The following UNC5C variants were observed in gnomAD, a reference collection of about 807,000 sequenced individuals.
UNC5C encodes unc-5 netrin receptor C, also known as netrin receptor UNC5C.
UNC5C carries 47 observed loss-of-function variants against 99.8 expected under a neutral mutation model. The observed-to-expected ratio is 0.47, with a 90% CI of 0.37 to 0.60. UNC5C has a LOEUF of 0.60. Ranked by LOEUF, UNC5C falls within the 20% of genes least tolerant of loss-of-function variation. UNC5C has a pLI of 0.00. For missense variants in UNC5C, 1,062 were observed against 1,165.9 expected (o/e 0.91, Z 1.30); for synonymous variants, 487 against 452.2 (o/e 1.08, Z -0.98).
chr4:95,429,262 A>G (rs1746566082), intron 1 of UNC5C, among the ~76,000 whole-genome samples: 1 of 146,588 alleles, frequency 6.8e-6, no homozygotes, highest in South Asian at 2.2e-4. Flanking sequence ...TTCCCTTTAA[A>G]TAATACTTAG....
rs539706591 is a variant in UNC5C at position 95,398,456 on chromosome 4, T to A, written c.125-62825A>T. On this transcript the variant is annotated intron_variant, in intron 1 of 15. Transcript: ENST00000453304. The stretch of plus-strand genomic sequence containing the variant: ...ACTCATTCATTCATTCATTCATTCA[T>A]TCAACAATTGTGTATTTGCTAAGCA... Among the ~76,000 whole-genome samples, 118 of 152,032 alleles carry A rather than the reference T, an allele frequency of 7.8e-4. 2 individuals carry two copies. The highest frequency in any genetic ancestry group is 7.5e-3 in the Admixed American group (114 of 15,268).
chr4:95,184,031 A>AAATT (rs1408758650), intron 13 of UNC5C, among the ~76,000 whole-genome samples: 1 of 152,200 alleles, frequency 6.6e-6, no homozygotes, highest in Non-Finnish European at 1.5e-5. Context: ...TGTATAAAAG[A>AAATT]AATTACTCCT....
At chr4:95,522,472 A>G (rs1722385901) in intron 1 of UNC5C, among the ~76,000 whole-genome samples, 1 of 152,114 alleles carries the variant, frequency 6.6e-6, no homozygotes, top group African/African-American at 2.4e-5. Flanking sequence ...GGAGGAAGAG[A>G]GGGAGAGAAA....
intron 13 of UNC5C, among the ~76,000 whole-genome samples, chr4:95,184,528 A>G (rs1416140057): frequency 2.0e-5 from 3 of 152,194 alleles, no homozygotes; most frequent in African/African-American, 7.2e-5. Flanking sequence ...ATTTTCCCCC[A>G]GGTATATACA....
At chr4:95,371,067 A>T (rs924255923) in intron 1 of UNC5C, among the ~76,000 whole-genome samples, 3 of 152,208 alleles carry the variant, frequency 2.0e-5, no homozygotes, top group Non-Finnish European at 4.4e-5. Context: ...AATGCCAATT[A>T]CTTAGAAATT....
chr4:95,496,188 A>T (rs1182259527), intron 1 of UNC5C, among the ~76,000 whole-genome samples: 1 of 151,858 alleles, frequency 6.6e-6, no homozygotes, highest in Admixed American at 6.6e-5. Context: ...CTGACAGTGT[A>T]TATAGTATTT....
At chr4:95,309,811 C>G (rs371818263) in intron 2 of UNC5C, among the ~76,000 whole-genome samples, 1 of 152,154 alleles carries the variant, frequency 6.6e-6, no homozygotes, top group South Asian at 2.1e-4. Context: ...CAAAGGGAAC[C>G]CTTGCACTCT....
chr4:95,188,043 A>T (rs74981295), intron 12 of UNC5C, among the ~76,000 whole-genome samples: 7,333 of 152,274 alleles, frequency 0.048, 322 homozygotes, highest in African/African-American at 0.11. Context: ...TGCATTATAA[A>T]ATATACATAA....
chr4:95,494,467 G>A (rs1298560556), intron 1 of UNC5C, among the ~76,000 whole-genome samples: 4 of 151,408 alleles, frequency 2.6e-5, no homozygotes, highest in African/African-American at 9.7e-5. Flanking sequence ...TTCAGATCTT[G>A]TTGTCCTCCC....
intron 10 of UNC5C, among the ~76,000 whole-genome samples, chr4:95,207,222 A>T (rs1332950945): frequency 6.6e-6 from 1 of 152,188 alleles, no homozygotes; most frequent in African/African-American, 2.4e-5. Flanking sequence ...CCTGACTTGA[A>T]AAATAGTTTT....
At chr4:95,540,122 T>C (rs1289817543) in intron 1 of UNC5C, among the ~76,000 whole-genome samples, 1 of 152,166 alleles carries the variant, frequency 6.6e-6, no homozygotes, top group African/African-American at 2.4e-5. Flanking sequence ...GATTTAAATC[T>C]AGATTTCTCA....
intron 9 of UNC5C, among the ~76,000 whole-genome samples, chr4:95,216,809 G>C (rs1257370114): frequency 6.6e-6 from 1 of 152,224 alleles, no homozygotes; most frequent in Non-Finnish European, 1.5e-5. Flanking sequence ...TGTGTTCTAA[G>C]CTAACTGTGT....
At position 95,162,534 on chromosome 4, in the gene UNC5C, G is replaced by C. The variant is rs1220375544; in HGVS notation, c.*6700C>G. On this transcript the variant is annotated 3_prime_UTR_variant, in exon 16 of 16. Coordinates refer to ENST00000453304, the MANE Select transcript of UNC5C (RefSeq NM_003728.4). ...TGCTTATAAATATAATTTATTACCT[G>C]TTTAAAAATTCTTTCTTACATTTTG... is the stretch of plus-strand genomic sequence containing the variant. 6.6e-6 allele frequency: 1 copy of C among 152,108 alleles called. No individual in the cohort carries two copies. Among genetic ancestry groups the C allele is most frequent in the Admixed American group, 6.5e-5 (1 of 15,276 alleles). The allele number at this position is 152,108 out of a possible 1,614,324, so 9.4% of individuals were successfully genotyped here. A position where few individuals can be genotyped will look rare whatever the true frequency, so the allele number is the denominator to read the frequency against.
intron 1 of UNC5C, among the ~76,000 whole-genome samples, chr4:95,507,312 T>C (rs1449588457): frequency 6.6e-6 from 1 of 152,042 alleles, no homozygotes; most frequent in African/African-American, 2.4e-5. Context: ...ATAATTAGGA[T>C]AGATAAACGA....
At chr4:95,276,939 T>C (rs1406918696) in intron 4 of UNC5C, among the ~76,000 whole-genome samples, 2 of 152,092 alleles carry the variant, frequency 1.3e-5, no homozygotes, top group Non-Finnish European at 2.9e-5. Context: ...GATAGAAAAA[T>C]GGGGTTATTT....
intron 1 of UNC5C, among the ~76,000 whole-genome samples, chr4:95,373,030 A>G (rs1200604550): frequency 1.3e-5 from 2 of 152,232 alleles, no homozygotes; most frequent in East Asian, 3.9e-4. Flanking sequence ...AAGACCAAAT[A>G]TACCTCAGAT....
At chr4:95,238,924 T>G (rs1267189117) in intron 7 of UNC5C, among the ~76,000 whole-genome samples, 1 of 152,334 alleles carries the variant, frequency 6.6e-6, no homozygotes, top group Middle Eastern at 3.4e-3. Context: ...TTTTTAACAA[T>G]ATTCTGTTAT....
chr4:95,347,420 A>T (rs1743817316), intron 1 of UNC5C, among the ~76,000 whole-genome samples: 1 of 152,078 alleles, frequency 6.6e-6, no homozygotes, highest in South Asian at 2.1e-4. Context: ...TAAAATTTAC[A>T]TGGAACCACA....
chr4:95,362,259 G>A (rs187383715), intron 1 of UNC5C, among the ~76,000 whole-genome samples: 4 of 152,028 alleles, frequency 2.6e-5, no homozygotes, highest in Non-Finnish European at 5.9e-5. Context: ...CCTGCCCATC[G>A]GAGCGTTCCA....
Sources: gnomAD v4.1 joint callset for allele counts (sites outside exome capture counted in the v4.1 genomes callset) on GRCh38, gnomAD v4.1.1 for gene constraint, MANE v1.5 for transcripts, NCBI Gene and HGNC (gene_info 2026-07-23, HGNC 2026-07-21) for gene names.